PLPPR1: variants seen among roughly 807,000 people sequenced by gnomAD.
The protein encoded by PLPPR1 is phospholipid phosphatase related 1, also known as phospholipid phosphatase-related protein type 1.
PLPPR1 carries 10 observed loss-of-function variants against 33.1 expected under a neutral mutation model. That is an observed-to-expected ratio of 0.30 (90% CI 0.19 to 0.51). The LOEUF (loss-of-function observed/expected upper bound fraction) is 0.51. Among genes scored for constraint, PLPPR1 ranks in the 20% least tolerant of loss-of-function variants. PLPPR1 has a pLI of 0.97. For missense variants in PLPPR1, 304 were observed against 408.1 expected (o/e 0.74, Z 2.20); for synonymous variants, 151 against 151.0 (o/e 1.00, Z 0.00).
At chr9:101,069,848 A>G (rs1000931938) in intron 1 of PLPPR1, among the ~76,000 whole-genome samples, 4 of 152,140 alleles carry the variant, frequency 2.6e-5, no homozygotes, top group African/African-American at 9.6e-5. Flanking sequence ...AATGGCAGGC[A>G]GTGCTCAGCT....
chr9:101,047,618 T>G (rs1460020172), intron 1 of PLPPR1, among the ~76,000 whole-genome samples: 2 of 152,128 alleles, frequency 1.3e-5, no homozygotes, highest in Non-Finnish European at 2.9e-5. Context: ...TTCTCTCTCT[T>G]TTCATTTTTT....
intron 1 of PLPPR1, among the ~76,000 whole-genome samples, chr9:101,031,072 G>A (rs954863625): frequency 6.6e-6 from 1 of 152,060 alleles, no homozygotes; most frequent in Non-Finnish European, 1.5e-5. Flanking sequence ...AATAACTAGG[G>A]AAGTAAAGAC....
intron 1 of PLPPR1, among the ~76,000 whole-genome samples, chr9:101,158,696 C>T (rs774496265): frequency 2.4e-4 from 36 of 152,254 alleles, no homozygotes; most frequent in Admixed American, 5.2e-4. Flanking sequence ...TACCTTCAAA[C>T]GTTGGTTGAG....
intron 1 of PLPPR1, among the ~76,000 whole-genome samples, chr9:101,166,169 C>T (rs1210518611): frequency 6.6e-6 from 1 of 152,200 alleles, no homozygotes; most frequent in East Asian, 1.9e-4. Flanking sequence ...TTGCCTGGGC[C>T]CTTTATGTTT....
intron 4 of PLPPR1, among the ~76,000 whole-genome samples, chr9:101,288,428 A>G (rs893018018): frequency 2.6e-5 from 4 of 152,212 alleles, no homozygotes; most frequent in African/African-American, 9.7e-5. Context: ...GGTGAGTTAG[A>G]GTTCAGCATC....
chr9:101,033,417 A>G (rs1482761641), intron 1 of PLPPR1, among the ~76,000 whole-genome samples: 1 of 152,220 alleles, frequency 6.6e-6, no homozygotes, highest in Non-Finnish European at 1.5e-5. Flanking sequence ...GGAAAGCATT[A>G]GTAGAGATCC....
chr9:101,313,730 C>T (rs1415826740), intron 6 of PLPPR1, among the ~76,000 whole-genome samples: 1 of 152,114 alleles, frequency 6.6e-6, no homozygotes, highest in African/African-American at 2.4e-5. Context: ...TTTGCCTTCT[C>T]TTTCACGGTT....
intron 5 of PLPPR1, among the ~76,000 whole-genome samples, chr9:101,311,961 G>A (rs987523308): frequency 6.6e-6 from 1 of 152,166 alleles, no homozygotes; most frequent in Non-Finnish European, 1.5e-5. Flanking sequence ...TAAACCACCA[G>A]GGACACATTT....
chr9:101,155,826 C>T (rs1032945558), intron 1 of PLPPR1, among the ~76,000 whole-genome samples: 3 of 152,096 alleles, frequency 2.0e-5, no homozygotes. Flanking sequence ...TCTCTAACTC[C>T]CGACCTCAAG....
intron 1 of PLPPR1, among the ~76,000 whole-genome samples, chr9:101,099,843 C>T (rs550517049): frequency 6.6e-6 from 1 of 152,154 alleles, no homozygotes; most frequent in South Asian, 2.1e-4. Flanking sequence ...CAGAAAGTGC[C>T]CTTCTTTCTC....
intron 1 of PLPPR1, among the ~76,000 whole-genome samples, chr9:101,126,530 C>T (rs951484224): frequency 1.4e-4 from 22 of 152,258 alleles, no homozygotes; most frequent in Non-Finnish European, 2.4e-4. Context: ...GCCAGATATG[C>T]CTCGGTTTAT....
At chr9:101,202,861 A>G (rs962446038) in intron 2 of PLPPR1, among the ~76,000 whole-genome samples, 3 of 152,200 alleles carry the variant, frequency 2.0e-5, no homozygotes, top group African/African-American at 7.2e-5. Context: ...CCAGCCTTGC[A>G]TATAGTCAGT....
chr9:101,139,200 T>C (rs1444219308), intron 1 of PLPPR1, among the ~76,000 whole-genome samples: 1 of 152,200 alleles, frequency 6.6e-6, no homozygotes, highest in East Asian at 1.9e-4. Context: ...ATGAATACAT[T>C]ATAAAGACAG....
At chr9:101,231,657 T>C (rs1006808814) in intron 2 of PLPPR1, among the ~76,000 whole-genome samples, 1 of 152,264 alleles carries the variant, frequency 6.6e-6, no homozygotes, top group East Asian at 1.9e-4. Context: ...TTGAGTTTAC[T>C]ACCCAGGGAA....
chr9:101,270,113 G>C, intron 3 of PLPPR1, 45 bp downstream of exon 3: 1 of 1,588,316 alleles, frequency 6.3e-7, no homozygotes, highest in Non-Finnish European at 8.6e-7. Context: ...AGATACCCAA[G>C]AATATTTTCT....
intron 1 of PLPPR1, among the ~76,000 whole-genome samples, chr9:101,045,789 A>T (rs1464023773): frequency 6.6e-6 from 1 of 152,160 alleles, no homozygotes; most frequent in Non-Finnish European, 1.5e-5. Flanking sequence ...AAGATATTTA[A>T]CCTCTCTAAC....
chr9:101,271,378 C>T (rs1828097785), intron 3 of PLPPR1, among the ~76,000 whole-genome samples: 1 of 152,184 alleles, frequency 6.6e-6, no homozygotes, highest in South Asian at 2.1e-4. Flanking sequence ...AAACAAAAAA[C>T]CTGGCTGGAA....
At position 101,297,931 on chromosome 9, in the gene PLPPR1, A is replaced by G. The variant is rs999951670; in HGVS notation, c.386-11280A>G. 3.9e-5 allele frequency among the ~76,000 whole-genome samples: 6 copies of G among 152,306 alleles called. No individual in the cohort carries two copies. The East Asian group carries it at 7.7e-4, about 20-fold the overall frequency. On this transcript the variant is annotated intron_variant, in intron 4 of 7. Transcript: ENST00000374874. ...GGCAATGACTAAGTAAGGAAGTTAC[A>G]TTTTCCAAAAAAAATGTGAAGTTCA...
chr9:101,170,566 A>G (rs777320287), intron 1 of PLPPR1, among the ~76,000 whole-genome samples: 82 of 152,164 alleles, frequency 5.4e-4, no homozygotes, highest in Non-Finnish European at 9.0e-4. Flanking sequence ...ACCATATCAC[A>G]TACTAGTAAG....
Sources: gnomAD v4.1 joint callset for allele counts (sites outside exome capture counted in the v4.1 genomes callset) on GRCh38, gnomAD v4.1.1 for gene constraint, MANE v1.5 for transcripts, NCBI Gene and HGNC (gene_info 2026-07-23, HGNC 2026-07-21) for gene names.